The following IMMP2L variants were observed in gnomAD, a reference collection of about 807,000 sequenced individuals.
IMMP2L encodes inner mitochondrial membrane peptidase subunit 2, also known as mitochondrial inner membrane protease subunit 2.
In IMMP2L, 18 loss-of-function variants were observed where a neutral mutation model predicts 19.3. That is an observed-to-expected ratio of 0.93 (90% confidence interval 0.64 to 1.38). The LOEUF (loss-of-function observed/expected upper bound fraction) is 1.38, where lower values mean the gene tolerates loss of function less well. Ranked by LOEUF, IMMP2L falls within the 40% of genes most tolerant of loss-of-function variation. IMMP2L has a pLI of 0.00. For missense variants in IMMP2L, 233 were observed against 218.2 expected, an observed-to-expected ratio of 1.07 and a Z score of -0.43; for synonymous variants, 76 against 73.0, an observed-to-expected ratio of 1.04 and a Z score of -0.21.
intron 5 of IMMP2L, among the ~76,000 whole-genome samples, chr7:110,698,868 G>A (rs1794064765): frequency 6.6e-6 from 1 of 152,178 alleles, no homozygotes; most frequent in South Asian, 2.1e-4. Flanking sequence ...TGCCTTGATA[G>A]TCTATGGCCT....
chr7:111,268,487 TAAAAAAAAAA>T (rs927826185), intron 3 of IMMP2L, among the ~76,000 whole-genome samples: 5 of 62,400 alleles, frequency 8.0e-5, no homozygotes, highest in Admixed American at 6.3e-4. Flanking sequence ...GTTTATCTAA[TAAAAAAAAAA>T]AAAAAAAAAA....
At chr7:110,773,093 C>A (rs764759268) in intron 5 of IMMP2L, among the ~76,000 whole-genome samples, 2 of 151,772 alleles carry the variant, frequency 1.3e-5, no homozygotes, top group Non-Finnish European at 2.9e-5. Flanking sequence ...GTAACAAGAC[C>A]TAAAAAAGGG....
intron 3 of IMMP2L, among the ~76,000 whole-genome samples, chr7:111,334,551 T>A (rs892967372): frequency 5.9e-5 from 9 of 152,098 alleles, no homozygotes; most frequent in Non-Finnish European, 1.2e-4. Context: ...AATGAAATTT[T>A]AAAAATAAAA....
chr7:111,179,835 A>G (rs1807505976), intron 3 of IMMP2L, among the ~76,000 whole-genome samples: 1 of 152,088 alleles, frequency 6.6e-6, no homozygotes, highest in African/African-American at 2.4e-5. Flanking sequence ...TGTAACTTCT[A>G]TGTCAATACT....
intron 5 of IMMP2L, among the ~76,000 whole-genome samples, chr7:110,840,339 C>T (rs1026031472): frequency 1.3e-5 from 2 of 152,062 alleles, no homozygotes; most frequent in African/African-American, 2.4e-5. Flanking sequence ...AATGTGCCAT[C>T]GATTTCCTTC....
Position 110,785,871 on chromosome 7 carries a change from T to C in IMMP2L, c.408+100722A>G, listed in dbSNP as rs571727190. 3.8e-4 allele frequency among the ~76,000 whole-genome samples: 58 copies of C among 151,166 alleles called. 1 individual carries two copies. The highest frequency in any genetic ancestry group is 1.3e-3 in the African/African-American group (52 of 40,728). On this transcript the variant is annotated intron_variant, in intron 5 of 5. Coordinates refer to ENST00000405709, the MANE Select transcript of IMMP2L (RefSeq NM_032549.4). ...TTCCACATAATTTGTCAATGGCACA[T>C]TGATATGTATTTTTCTCTCTCTTTC...
intron 3 of IMMP2L, among the ~76,000 whole-genome samples, chr7:111,352,472 G>A (rs779653043): frequency 3.4e-5 from 5 of 149,228 alleles, no homozygotes; most frequent in Middle Eastern, 3.6e-3. Context: ...ACCTTCTAAA[G>A]TACTGAGATT....
chr7:110,985,511 A>T (rs2129558702), intron 3 of IMMP2L, among the ~76,000 whole-genome samples: 1 of 152,308 alleles, frequency 6.6e-6, no homozygotes, highest in East Asian at 1.9e-4. Context: ...GCAGAGTTTC[A>T]CTATTCAAGT....
intron 4 of IMMP2L, among the ~76,000 whole-genome samples, chr7:110,920,077 G>T (rs991300758): frequency 6.6e-6 from 1 of 152,130 alleles, no homozygotes; most frequent in Non-Finnish European, 1.5e-5. Flanking sequence ...GGGCTCTTGG[G>T]CCTTTGGCTA....
At position 111,483,911 on chromosome 7, in the gene IMMP2L, T is replaced by C. The variant is rs1032135393; in HGVS notation, c.239+3327A>G. On this transcript the variant is annotated intron_variant, in intron 3 of 5. Coordinates refer to ENST00000405709, the MANE Select transcript of IMMP2L (RefSeq NM_032549.4). ...ACCAGGAAGGAATCAGTATTATACA[T>C]TCAGCCTTTCTCTGAGAAGTGCTAC... 5.9e-5 allele frequency among the ~76,000 whole-genome samples: 9 copies of C among 152,202 alleles called. No individual in the cohort carries two copies. The East Asian group carries it at 1.3e-3, about 23-fold the overall frequency.
chr7:110,806,803 G>A (rs1195202479), intron 5 of IMMP2L, among the ~76,000 whole-genome samples: 2 of 151,832 alleles, frequency 1.3e-5, no homozygotes, highest in Non-Finnish European at 2.9e-5. Context: ...CAGAAAAGGT[G>A]ATATGAAAGA....
intron 5 of IMMP2L, among the ~76,000 whole-genome samples, chr7:110,852,203 TG>T (rs1297237123): frequency 7.2e-6 from 1 of 138,142 alleles, no homozygotes; most frequent in African/African-American, 2.8e-5. Context: ...GATGGAAGGA[TG>T]GATGGATGGA....
chr7:111,243,198 C>T (rs1396471359), intron 3 of IMMP2L, among the ~76,000 whole-genome samples: 1 of 151,882 alleles, frequency 6.6e-6, no homozygotes, highest in Non-Finnish European at 1.5e-5. Flanking sequence ...CAATCATTCC[C>T]AAGATACATA....
At chr7:111,351,476 A>C (rs1006927676) in intron 3 of IMMP2L, among the ~76,000 whole-genome samples, 3 of 152,148 alleles carry the variant, frequency 2.0e-5, no homozygotes, top group Non-Finnish European at 2.9e-5. Flanking sequence ...GGTGTGAGCC[A>C]CCGCACCCGG....
chr7:110,975,731 A>T (rs1820619221), intron 3 of IMMP2L, among the ~76,000 whole-genome samples: 1 of 152,242 alleles, frequency 6.6e-6, no homozygotes, highest in Non-Finnish European at 1.5e-5. Flanking sequence ...TATTCCCTTC[A>T]TATGAGTCAA....
At chr7:111,357,524 T>C (rs1351060345) in intron 3 of IMMP2L, among the ~76,000 whole-genome samples, 1 of 152,180 alleles carries the variant, frequency 6.6e-6, no homozygotes, top group Non-Finnish European at 1.5e-5. Flanking sequence ...ATTGCCACAT[T>C]AAAAACCCTT....
intron 3 of IMMP2L, among the ~76,000 whole-genome samples, chr7:111,210,724 C>A (rs1811219602): frequency 6.6e-6 from 1 of 152,024 alleles, no homozygotes; most frequent in African/African-American, 2.4e-5. Context: ...ACAAAAACTG[C>A]TCTTAATACC....
intron 3 of IMMP2L, among the ~76,000 whole-genome samples, chr7:111,113,184 G>C (rs1391599710): frequency 6.6e-6 from 1 of 152,044 alleles, no homozygotes; most frequent in Non-Finnish European, 1.5e-5. Context: ...ATCTATACTA[G>C]GTCATTGGAC....
At chr7:110,896,697 ATCT>A (rs1811364286) in intron 4 of IMMP2L, among the ~76,000 whole-genome samples, 1 of 152,190 alleles carries the variant, frequency 6.6e-6, no homozygotes, top group Admixed American at 6.6e-5. Context: ...TGTTTAGAAA[ATCT>A]TCTCTGAAAA....
Sources: gnomAD v4.1 joint callset for allele counts (sites outside exome capture counted in the v4.1 genomes callset) on GRCh38, gnomAD v4.1.1 for gene constraint, MANE v1.5 for transcripts, NCBI Gene and HGNC (gene_info 2026-07-23, HGNC 2026-07-21) for gene names.